BICC1: variants seen among roughly 807,000 people sequenced by gnomAD.
The protein encoded by BICC1 is BicC family RNA binding protein 1.
BICC1 carries 43 observed loss-of-function variants against 111.0 expected under a neutral mutation model. The observed-to-expected ratio is 0.39, with a 90% CI of 0.30 to 0.50. The LOEUF is 0.50. Among genes scored for constraint, BICC1 ranks in the 20% least tolerant of loss-of-function variants. The pLI is 0.88. For missense variants in BICC1, 1,091 were observed against 1,203.2 expected, an observed-to-expected ratio of 0.91 and a Z score of 1.38; for synonymous variants, 467 against 434.4, an observed-to-expected ratio of 1.07 and a Z score of -0.93.
At chr10:58,741,787 A>T (rs1243097604) in intron 3 of BICC1, among the ~76,000 whole-genome samples, 1 of 152,028 alleles carries the variant, frequency 6.6e-6, no homozygotes, top group Non-Finnish European at 1.5e-5. Flanking sequence ...AAATTGTTGG[A>T]TTTAGGGTTT....
chr10:58,782,735 TAG>T (rs1458644136), intron 3 of BICC1, among the ~76,000 whole-genome samples: 2 of 152,184 alleles, frequency 1.3e-5, no homozygotes, highest in African/African-American at 2.4e-5. Context: ...TTAAGGAGGC[TAG>T]TCCCCACCCT....
At chr10:58,601,201 A>G (rs1845028173) in intron 1 of BICC1, among the ~76,000 whole-genome samples, 1 of 143,154 alleles carries the variant, frequency 7.0e-6, no homozygotes, top group South Asian at 2.2e-4. Flanking sequence ...AATAAAAAAA[A>G]TTTAATATAA....
chr10:58,593,094 A>C (rs1022206417), intron 1 of BICC1, among the ~76,000 whole-genome samples: 4 of 151,798 alleles, frequency 2.6e-5, no homozygotes, highest in Admixed American at 6.6e-5. Flanking sequence ...GCTTGAGTAG[A>C]CTGTTTTACA....
At chr10:58,668,758 A>G (rs1030790403) in intron 2 of BICC1, among the ~76,000 whole-genome samples, 1 of 152,018 alleles carries the variant, frequency 6.6e-6, no homozygotes, top group African/African-American at 2.4e-5. Flanking sequence ...CTAATGGTGC[A>G]TCTAGTTCAG....
chr10:58,528,235 A>T (rs1162023308), intron 1 of BICC1, among the ~76,000 whole-genome samples: 1 of 151,882 alleles, frequency 6.6e-6, no homozygotes, highest in Non-Finnish European at 1.5e-5. Flanking sequence ...TTACCCAAGT[A>T]AGGCAGAGCA....
At chr10:58,825,442 T>C (rs939199080) in intron 20 of BICC1, among the ~76,000 whole-genome samples, 3 of 152,190 alleles carry the variant, frequency 2.0e-5, no homozygotes, top group African/African-American at 7.2e-5. Context: ...ATGTATGAAA[T>C]ATATACAGAT....
chr10:58,628,681 C>A (rs980097003), intron 2 of BICC1, among the ~76,000 whole-genome samples: 1 of 152,018 alleles, frequency 6.6e-6, no homozygotes, highest in East Asian at 1.9e-4. Flanking sequence ...CTGGCCAGTG[C>A]AATTATAATG....
chr10:58,800,415 G>T, intron 13 of BICC1, 89 bp downstream of exon 13: 1 of 1,325,526 alleles, frequency 7.5e-7, no homozygotes, highest in African/African-American at 1.5e-5. Flanking sequence ...TTTTGAGTTG[G>T]TTTTGCTAAA....
At chr10:58,762,699 T>TTC (rs373847878) in intron 3 of BICC1, among the ~76,000 whole-genome samples, 231 of 152,264 alleles carry the variant, frequency 1.5e-3, no homozygotes, top group African/African-American at 5.3e-3. Context: ...GACATTAAGC[T>TTC]TCTGTACACA....
At chr10:58,801,228 C>T (rs1039537796) in intron 14 of BICC1, among the ~76,000 whole-genome samples, 182 bp downstream of exon 14, 14 of 152,034 alleles carry the variant, frequency 9.2e-5, no homozygotes, top group Non-Finnish European at 1.8e-4. Flanking sequence ...CCTTCTCTGT[C>T]TTCTCTATAG....
chr10:58,650,132 T>A (rs1445755478), intron 2 of BICC1: 1 of 152,184 alleles, frequency 6.6e-6, no homozygotes, highest in Non-Finnish European at 1.5e-5. Flanking sequence ...AGAGATGATC[T>A]GCAGCCCTGA....
intron 3 of BICC1, among the ~76,000 whole-genome samples, chr10:58,707,901 T>G (rs1840439189): frequency 6.6e-6 from 1 of 152,190 alleles, no homozygotes; most frequent in Admixed American, 6.5e-5. Flanking sequence ...TTCTCCATGT[T>G]GGTCAGGCTG....
intron 2 of BICC1, among the ~76,000 whole-genome samples, chr10:58,673,626 C>T (rs1589002306): frequency 6.6e-6 from 1 of 151,946 alleles, no homozygotes; most frequent in Non-Finnish European, 1.5e-5. Context: ...TTATTTTTTT[C>T]ATTTTTATTT....
intron 2 of BICC1, among the ~76,000 whole-genome samples, chr10:58,624,836 C>T (rs750973277): frequency 6.6e-6 from 1 of 152,164 alleles, no homozygotes; most frequent in Non-Finnish European, 1.5e-5. Context: ...TCCAGTGATA[C>T]ACCCACCTCA....
At chr10:58,751,716 T>G (rs1841996151) in intron 3 of BICC1, among the ~76,000 whole-genome samples, 1 of 152,180 alleles carries the variant, frequency 6.6e-6, no homozygotes, top group South Asian at 2.1e-4. Context: ...ATTTTAATTT[T>G]TTCTTTATTG....
intron 3 of BICC1, among the ~76,000 whole-genome samples, chr10:58,705,673 T>A (rs1295397427): frequency 6.6e-6 from 1 of 152,256 alleles, no homozygotes; most frequent in Non-Finnish European, 1.5e-5. Context: ...TTTTGTGATA[T>A]AAACTAAGGA....
At chr10:58,665,448 C>T (rs573444229) in intron 2 of BICC1, among the ~76,000 whole-genome samples, 16 of 152,084 alleles carry the variant, frequency 1.1e-4, no homozygotes, top group Middle Eastern at 3.4e-3. Context: ...TGTTGAAGCC[C>T]GTATTTAAAC....
chr10:58,739,618 A>G (rs1841589137), intron 3 of BICC1, among the ~76,000 whole-genome samples: 1 of 151,592 alleles, frequency 6.6e-6, no homozygotes, highest in African/African-American at 2.4e-5. Context: ...TTTTCTCCTC[A>G]TTTGTTCTTG....
At chr10:58,815,146 T>A (rs1452249247) in intron 18 of BICC1, among the ~76,000 whole-genome samples, 1 of 152,128 alleles carries the variant, frequency 6.6e-6, no homozygotes, top group Non-Finnish European at 1.5e-5. Context: ...ACATGTAGAA[T>A]ATTTGAAGAC....
Sources: gnomAD v4.1 joint callset for allele counts (sites outside exome capture counted in the v4.1 genomes callset) on GRCh38, gnomAD v4.1.1 for gene constraint, MANE v1.5 for transcripts, NCBI Gene and HGNC (gene_info 2026-07-23, HGNC 2026-07-21) for gene names.